CSMD1: variants seen among roughly 807,000 people sequenced by gnomAD.
CSMD1 encodes CUB and Sushi multiple domains 1, also known as CUB and sushi domain-containing protein 1.
Under a neutral mutation model 417.5 loss-of-function variants are expected in CSMD1, and 213 were observed. The ratio of observed to expected loss-of-function variants is 0.51; its 90% CI spans 0.46 to 0.57. The LOEUF (loss-of-function observed/expected upper bound fraction) is 0.57. CSMD1 is among the 20% of genes least tolerant of loss of function. The probability of loss-of-function intolerance (pLI) is 0.00; values close to 1 mark genes in which losing one functional copy is unlikely to be tolerated. For missense variants in CSMD1, 6,923 were observed against 4,529.7 expected, an observed-to-expected ratio of 1.53 and a Z score of -15.17; for synonymous variants, 2,862 against 1,736.8, an observed-to-expected ratio of 1.65 and a Z score of -16.11.
chr8:4,791,428 C>T (rs181397432), intron 1 of CSMD1, among the ~76,000 whole-genome samples: 1 of 152,150 alleles, frequency 6.6e-6, no homozygotes, highest in Non-Finnish European at 1.5e-5. Flanking sequence ...GGTGGGACCC[C>T]ATCCCTTGGT....
intron 5 of CSMD1, among the ~76,000 whole-genome samples, chr8:3,905,827 G>A (rs963970069): frequency 2.6e-5 from 4 of 152,128 alleles, no homozygotes; most frequent in African/African-American, 7.2e-5. Flanking sequence ...AAACATCTGG[G>A]CCTGGCATTC....
intron 1 of CSMD1, among the ~76,000 whole-genome samples, chr8:4,753,691 C>A (rs1037206996): frequency 2.6e-5 from 4 of 152,128 alleles, no homozygotes; most frequent in Non-Finnish European, 1.5e-5. Flanking sequence ...TCTCTTCTGA[C>A]CTTCTGCTCC....
At chr8:3,556,725 T>A (rs1421126952) in intron 10 of CSMD1, among the ~76,000 whole-genome samples, 1 of 151,950 alleles carries the variant, frequency 6.6e-6, no homozygotes, top group East Asian at 1.9e-4. Flanking sequence ...AACATTTAAC[T>A]TCTCCTCTCT....
Position 4,554,925 on chromosome 8 carries a change from G to A in CSMD1, c.302+82417C>T, listed in dbSNP as rs73661527. ...ATGGATGTGGGATGCTGTCTTCTAG[G>A]CAACGAATTCCTGTGGGATGGAGTA... On this transcript the variant is annotated intron_variant, in intron 2 of 69. Transcript: ENST00000635120. Among the ~76,000 whole-genome samples the A allele has an allele frequency of 8.7e-4, 132 of 152,210 alleles. 1 individual carries two copies. The highest frequency in any genetic ancestry group is 3.0e-3 in the African/African-American group (126 of 41,534).
At chr8:4,111,630 G>A (rs1227381036) in intron 3 of CSMD1, among the ~76,000 whole-genome samples, 2 of 152,124 alleles carry the variant, frequency 1.3e-5, no homozygotes, top group African/African-American at 2.4e-5. Context: ...GGACGTGGAT[G>A]GAGTTAGAAG....
chr8:3,385,010 AATATATAATATATAAATATAAT>A lies in CSMD1; in HGVS notation c.2782+2462_2782+2483del, dbSNP rs1322692231. On this transcript the variant is annotated intron_variant, in intron 18 of 69. Transcript: ENST00000635120. ...ATAATACATATGCTATTTATATATA[AATATATAATATATAAATATAAT>A]ATATATAATATATAAATATATAATA... Among the ~76,000 whole-genome samples the A allele has an allele frequency of 9.6e-3, 327 of 34,084 alleles. 1 individual carries two copies. Among genetic ancestry groups the A allele is most frequent in the Admixed American group, 0.04 (73 of 1,810 alleles). 22.4% of individuals were successfully genotyped at this position (34,084 alleles called of 152,430 possible). A position where few individuals can be genotyped will look rare whatever the true frequency, so the allele number is the denominator to read the frequency against.
At chr8:3,906,271 A>G (rs546800228) in intron 5 of CSMD1, among the ~76,000 whole-genome samples, 2 of 144,776 alleles carry the variant, frequency 1.4e-5, no homozygotes, top group East Asian at 2.1e-4. Flanking sequence ...GTGCTGCTTC[A>G]AATAAAATCA....
chr8:4,525,358 T>A (rs1796461536), intron 2 of CSMD1, among the ~76,000 whole-genome samples: 2 of 152,142 alleles, frequency 1.3e-5, no homozygotes, highest in Admixed American at 6.5e-5. Context: ...GTGAGAAACC[T>A]CCAATCTTAA....
chr8:4,667,665 G>A (rs1805025046), intron 1 of CSMD1, among the ~76,000 whole-genome samples: 1 of 152,130 alleles, frequency 6.6e-6, no homozygotes, highest in African/African-American at 2.4e-5. Context: ...TTTCTTCAGT[G>A]ATTGTTGGTT....
intron 12 of CSMD1, among the ~76,000 whole-genome samples, chr8:3,413,043 T>G (rs1329398196): frequency 6.6e-6 from 1 of 152,138 alleles, no homozygotes; most frequent in Non-Finnish European, 1.5e-5. Flanking sequence ...ATCAATTTAG[T>G]CTCATCAAGC....
At chr8:4,297,086 G>C (rs1797726531) in intron 3 of CSMD1, among the ~76,000 whole-genome samples, 1 of 966 alleles carries the variant, frequency 1.0e-3, no homozygotes, top group Non-Finnish European at 5.1e-3. Flanking sequence ...TGAAGAGCTT[G>C]GGGAGACTCT....
intron 2 of CSMD1, among the ~76,000 whole-genome samples, chr8:4,442,410 A>G (rs889777704): frequency 6.6e-6 from 1 of 152,174 alleles, no homozygotes; most frequent in Non-Finnish European, 1.5e-5. Context: ...TCCAGTCCCC[A>G]CTGTATATAT....
intron 1 of CSMD1, among the ~76,000 whole-genome samples, chr8:4,908,959 T>G (rs1316657082): frequency 1.3e-5 from 2 of 152,220 alleles, no homozygotes; most frequent in Non-Finnish European, 2.9e-5. Flanking sequence ...GTGTTTTCCT[T>G]GCCTTTAGCA....
intron 1 of CSMD1, among the ~76,000 whole-genome samples, chr8:4,766,599 G>C (rs1812481488): frequency 2.0e-5 from 3 of 152,170 alleles, no homozygotes; most frequent in Admixed American, 2.0e-4. Flanking sequence ...GGCATTTATT[G>C]CGTGTTTACT....
In CSMD1 at chr8:3,200,490, G is replaced by T. The variant is rs868508353; in HGVS notation, c.5099-681C>A. On this transcript the variant is annotated intron_variant, in intron 32 of 69. Transcript: ENST00000635120. ...GAATCGCTTGAACCTGGGAGATGGAGGTTGCAGTGAGCCGAGATGGTGCCA... is the reference window on the plus strand; with the variant it reads ...GAATCGCTTGAACCTGGGAGATGGATGTTGCAGTGAGCCGAGATGGTGCCA... Among the ~76,000 whole-genome samples, 23 of 152,036 alleles carry T rather than the reference G, an allele frequency of 1.5e-4. No homozygotes were observed. In the South Asian group the frequency reaches 1.9e-3, roughly 12 times the overall value.
chr8:3,246,078 C>G (rs997808240), intron 26 of CSMD1, among the ~76,000 whole-genome samples: 4 of 152,152 alleles, frequency 2.6e-5, no homozygotes, highest in South Asian at 2.1e-4. Flanking sequence ...AATCCATTCT[C>G]TGCACTGCAT....
chr8:4,576,349 T>G (rs1476022391), intron 2 of CSMD1, among the ~76,000 whole-genome samples: 1 of 152,266 alleles, frequency 6.6e-6, no homozygotes, highest in Non-Finnish European at 1.5e-5. Flanking sequence ...TGCTCACTCT[T>G]CAGGGGAGAG....
intron 5 of CSMD1, among the ~76,000 whole-genome samples, chr8:3,937,998 C>T (rs530831162): frequency 6.6e-6 from 1 of 152,204 alleles, no homozygotes; most frequent in South Asian, 2.1e-4. Context: ...TTCAAAATAA[C>T]TAACTATAAA....
At chr8:4,312,113 AC>A (rs904610977) in intron 3 of CSMD1, among the ~76,000 whole-genome samples, 1 of 151,532 alleles carries the variant, frequency 6.6e-6, no homozygotes, top group South Asian at 2.1e-4. Context: ...AGTTATCAAT[AC>A]CCCCCTTTTA....
Sources: allele counts gnomAD v4.1 joint callset (sites outside exome capture counted in the v4.1 genomes callset), GRCh38; gene constraint gnomAD v4.1.1; transcripts MANE v1.5; gene names NCBI Gene and HGNC (gene_info 2026-07-23, HGNC 2026-07-21).